The following FOXO1 variants were observed in gnomAD, a reference collection of about 807,000 sequenced individuals.
The protein encoded by FOXO1 is forkhead box protein O1.
In FOXO1, 6 loss-of-function variants were observed where a neutral mutation model predicts 44.1. That is an observed-to-expected ratio of 0.14 (90% CI 0.07 to 0.27). The LOEUF is 0.27. Ranked by LOEUF, FOXO1 falls within the 10% of genes least tolerant of loss-of-function variation. The pLI is 1.00. For synonymous variants in FOXO1, 380 were observed against 362.7 expected (o/e 1.05, Z -0.54); for missense variants, 737 against 888.8 (o/e 0.83, Z 2.17).
At chr13:40,566,225 G>C (rs980400684) in intron 1 of FOXO1, among the ~76,000 whole-genome samples, 1 of 152,166 alleles carries the variant, frequency 6.6e-6, no homozygotes, top group African/African-American at 2.4e-5. Flanking sequence ...CTGATGTTCT[G>C]TCTCTGTGGC....
chr13:40,607,444 C>T (rs1052839618), intron 1 of FOXO1, among the ~76,000 whole-genome samples: 2 of 146,736 alleles, frequency 1.4e-5, no homozygotes, highest in African/African-American at 2.5e-5. Flanking sequence ...TGTTCCCCTA[C>T]TAATTTCCCA....
chr13:40,608,068 G>C (rs1205969831), intron 1 of FOXO1, among the ~76,000 whole-genome samples: 5 of 152,198 alleles, frequency 3.3e-5, no homozygotes, highest in Admixed American at 3.3e-4. Flanking sequence ...AGTGTTTCTT[G>C]GGGCAGAGGA....
At chr13:40,592,002 C>G (rs902951782) in intron 1 of FOXO1, among the ~76,000 whole-genome samples, 1 of 152,176 alleles carries the variant, frequency 6.6e-6, no homozygotes, top group Admixed American at 6.5e-5. Flanking sequence ...CCACCGCACT[C>G]AGCCCTATTA....
chr13:40,563,553 G>T (rs941169663), intron 1 of FOXO1, among the ~76,000 whole-genome samples: 1 of 152,130 alleles, frequency 6.6e-6, no homozygotes, highest in Admixed American at 6.5e-5. Context: ...AACGGAGCAG[G>T]TGTGTGGTGA....
chr13:40,638,800 G>A (rs1044846800), intron 1 of FOXO1, among the ~76,000 whole-genome samples: 4 of 152,150 alleles, frequency 2.6e-5, no homozygotes, highest in Non-Finnish European at 5.9e-5. Context: ...TATTCATACT[G>A]TGATGAGGCA....
chr13:40,577,088 T>C (rs1366791857), intron 1 of FOXO1, among the ~76,000 whole-genome samples: 1 of 152,200 alleles, frequency 6.6e-6, no homozygotes, highest in African/African-American at 2.4e-5. Flanking sequence ...CACAGGAGAT[T>C]CAGGGCCAAG....
At chr13:40,657,415 C>T (rs1877894127) in intron 1 of FOXO1, among the ~76,000 whole-genome samples, 1 of 150,380 alleles carries the variant, frequency 6.6e-6, no homozygotes, top group Admixed American at 6.7e-5. Context: ...ACCCCTCCAA[C>T]CCCCTGCCCC....
chr13:40,654,116 G>GGGGTAT (rs1877773609), intron 1 of FOXO1, among the ~76,000 whole-genome samples: 1 of 151,784 alleles, frequency 6.6e-6, no homozygotes, highest in Non-Finnish European at 1.5e-5. Context: ...TTAAGCTCAT[G>GGGGTAT]GGGTATATCA....
intron 1 of FOXO1, among the ~76,000 whole-genome samples, chr13:40,599,662 C>T (rs1164452605): frequency 6.6e-6 from 1 of 152,056 alleles, no homozygotes; most frequent in Non-Finnish European, 1.5e-5. Context: ...GGATGCCCTG[C>T]TAGGAGCACA....
chr13:40,598,084 G>C (rs1308872450), intron 1 of FOXO1, among the ~76,000 whole-genome samples: 2 of 152,100 alleles, frequency 1.3e-5, no homozygotes, highest in Non-Finnish European at 2.9e-5. Context: ...GACTGACAGG[G>C]AATAAAATCC....
chr13:40,616,969 C>A (rs1050153266), intron 1 of FOXO1, among the ~76,000 whole-genome samples: 2 of 152,294 alleles, frequency 1.3e-5, no homozygotes, highest in East Asian at 3.9e-4. Context: ...AATCTTTATG[C>A]TAACATGTGA....
rs1233225871 is a variant in FOXO1, at chr13:40,665,855, G to A, written c.358C>T (p.Pro120Ser). ...GGCGGCGGGGGCTGCGGTGGCGCTG[G>A]GTGCAGGCAGCCCGCCTCCGGGCCC... ...FQGPEAGCLH[P>S]APPQPPPPGP... The change falls in exon 1 of 3, where the codon CCA becomes TCA. Residue 120 changes from proline to serine, a missense_variant. Coordinates refer to ENST00000379561, the MANE Select transcript of FOXO1 (RefSeq NM_002015.4). The A allele has an allele frequency of 5.3e-6, 6 of 1,129,578 alleles. No individual in the cohort carries two copies. Among genetic ancestry groups the A allele is most frequent in the African/African-American group, 1.7e-5 (1 of 60,358 alleles). The allele number at this position is 1,129,578 out of a possible 1,614,324, so 70.0% of individuals were successfully genotyped here. A position where few individuals can be genotyped will look rare whatever the true frequency, so the allele number is the denominator to read the frequency against.
chr13:40,573,636 A>G (rs901637439), intron 1 of FOXO1, among the ~76,000 whole-genome samples: 1 of 152,248 alleles, frequency 6.6e-6, no homozygotes, highest in African/African-American at 2.4e-5. Flanking sequence ...AACATGGATG[A>G]TATTGTTGTC....
At chr13:40,603,097 C>T (rs1326163116) in intron 1 of FOXO1, among the ~76,000 whole-genome samples, 8 of 152,114 alleles carry the variant, frequency 5.3e-5, no homozygotes, top group African/African-American at 9.7e-5. Context: ...CAGGGGGCTG[C>T]CAATGGTCCT....
intron 1 of FOXO1, among the ~76,000 whole-genome samples, chr13:40,611,558 A>G (rs2137891247): frequency 1.3e-5 from 2 of 152,318 alleles, no homozygotes; most frequent in East Asian, 3.9e-4. Context: ...GCAGAGGGGA[A>G]CCCTGCTAGA....
intron 1 of FOXO1, among the ~76,000 whole-genome samples, chr13:40,616,267 T>C (rs1002638483): frequency 6.6e-5 from 10 of 152,042 alleles, no homozygotes; most frequent in Middle Eastern, 3.4e-3. Context: ...GTAAGGAGGA[T>C]TTCTTTTTAA....
chr13:40,640,799 T>TGTTGTTGTTGTTG (rs11398696), intron 1 of FOXO1, among the ~76,000 whole-genome samples: 196 of 96,088 alleles, frequency 2.0e-3, no homozygotes, highest in African/African-American at 5.8e-3. Flanking sequence ...TTGTTGTTGT[T>TGTTGTTGTTGTTG]TGAGACAGAG....
intron 1 of FOXO1, among the ~76,000 whole-genome samples, chr13:40,604,103 A>G (rs369154539): frequency 5.8e-4 from 88 of 152,310 alleles, no homozygotes; most frequent in African/African-American, 2.1e-3. Context: ...AAGACTGGGA[A>G]AACTACAGAG....
intron 1 of FOXO1, among the ~76,000 whole-genome samples, chr13:40,583,394 G>A (rs1223344493): frequency 6.6e-6 from 1 of 152,172 alleles, no homozygotes; most frequent in Non-Finnish European, 1.5e-5. Context: ...CCTGTTCTTT[G>A]AAGCTTGGCA....
Sources: gnomAD v4.1 joint callset for allele counts (sites outside exome capture counted in the v4.1 genomes callset) on GRCh38, gnomAD v4.1.1 for gene constraint, MANE v1.5 for transcripts, NCBI Gene and HGNC (gene_info 2026-07-23, HGNC 2026-07-21) for gene names.